The following MBD1 variants were observed in gnomAD, a reference collection of about 807,000 sequenced individuals.
The protein encoded by MBD1 is methyl-CpG-binding domain protein 1.
In MBD1, 25 loss-of-function variants were observed where a neutral mutation model predicts 82.6. That is an observed-to-expected ratio of 0.30 (90% CI 0.22 to 0.42). The LOEUF (loss-of-function observed/expected upper bound fraction) is 0.42, where lower values mean the gene tolerates loss of function less well. Ranked by LOEUF, MBD1 falls within the 10% of genes least tolerant of loss-of-function variation. MBD1 has a pLI of 1.00. For synonymous variants in MBD1, 301 were observed against 303.7 expected (o/e 0.99, Z 0.09); for missense variants, 627 against 819.6 (o/e 0.76, Z 2.87).
Position 50,272,710 on chromosome 18 carries a change from G to C in MBD1, c.1745C>G (p.Thr582Ser), listed in dbSNP as rs1273262892. 1.2e-6 allele frequency: 2 copies of C among 1,614,138 alleles called. No homozygotes were observed. The highest frequency in any genetic ancestry group is 2.2e-5 in the South Asian group (2 of 91,076). ...VITEIFSLGG[T>S]RFRDTAVWLP... ...CCAGACTGCTGTATCTCGGAAGCGG[G>C]TTCCACCCAGGCTGAAAATCTCCGT... Residue 582 changes from threonine to serine, a missense_variant, in exon 15 of 17, where the codon ACC becomes AGC. By Grantham distance (58) the Thr-to-Ser change is moderately conservative (BLOSUM62 1). Around this residue, in one of 6 missense-constraint regions of MBD1, gnomAD observed 265 missense variants for 278.4 expected, o/e 0.95. Coordinates refer to ENST00000269468, the MANE Select transcript of MBD1 (RefSeq NM_015846.4).
chr18:50,281,600 G>A, upstream of MBD1: 1 of 496,916 alleles, frequency 2.0e-6, no homozygotes, highest in South Asian at 3.5e-5. Context: ...TCGATGTCGC[G>A]TGCCCTTAAT....
downstream of MBD1, chr18:50,267,468 C>T (rs2034047883): frequency 1.5e-6 from 1 of 668,408 alleles, no homozygotes; most frequent in Non-Finnish European, 2.7e-6. Context: ...GGCAGTGGCA[C>T]GACCTGGTGG....
intron 12 of MBD1, 36 bp from the exon 13 acceptor site, chr18:50,273,507 G>C (rs765229486): frequency 1.2e-6 from 2 of 1,613,842 alleles, no homozygotes; most frequent in Non-Finnish European, 1.7e-6. Context: ...CTTGGTCTCA[G>C]CTCCCTGGCA....
intron 7 of MBD1, 52 bp downstream of exon 7, chr18:50,275,782 TG>T (rs2037618767): frequency 6.2e-7 from 1 of 1,613,906 alleles, no homozygotes; most frequent in Non-Finnish European, 8.5e-7. Context: ...GCCAAGCCCA[TG>T]GGGGCCAGGG....
intron 2 of MBD1, among the ~76,000 whole-genome samples, chr18:50,278,538 T>C (rs964415259): frequency 6.6e-6 from 1 of 152,360 alleles, no homozygotes; most frequent in East Asian, 1.9e-4. Flanking sequence ...AGTACATAAA[T>C]ATGTGAATAA....
chr18:50,276,937 C>T lies in MBD1; in HGVS notation c.287G>A (p.Arg96Gln), dbSNP rs780477740. The T allele has an allele frequency of 2.5e-5, 40 of 1,614,116 alleles. No individual in the cohort carries two copies. The highest frequency in any genetic ancestry group is 1.1e-5 in the South Asian group (1 of 91,094). ...ACTCTGGGGTCCAACCTGACGTTTC[C>T]GAGTCTTGGCTGGCCTTGAAGGCTT... ...RKKPSRPAKT[R>Q]KRQVGPQSGE... is the part of the protein sequence containing the mutation. The change falls in exon 4 of 17, where the codon CGG (arginine) becomes CAG (glutamine). Residue 96 changes from arginine to glutamine, a missense_variant. Arg to Gln is a conservative substitution (Grantham distance 43, BLOSUM62 1). Around this residue, in one of 6 missense-constraint regions of MBD1, gnomAD observed 75 missense variants for 74.7 expected, o/e 1.00. Coordinates refer to ENST00000269468, the MANE Select transcript of MBD1 (RefSeq NM_015846.4).
At position 50,269,804 on chromosome 18, in the gene MBD1, T is replaced by G. The variant is rs769268991; in HGVS notation, c.*47A>C. On this transcript the variant is annotated 3_prime_UTR_variant, in exon 17 of 17. Coordinates refer to ENST00000269468, the MANE Select transcript of MBD1 (RefSeq NM_015846.4). ...TTTACATCCATCTTCCCTTCCCGAG[T>G]GCCTGCCCTGCAGACTTCAAGCTCC... is the stretch of plus-strand genomic sequence containing the variant. The G allele has an allele frequency of 1.0e-5, 8 of 788,470 alleles. No homozygotes were observed. Among genetic ancestry groups the G allele is most frequent in the Admixed American group, 8.5e-5 (5 of 59,026 alleles). The allele number at this position is 788,470 out of a possible 1,614,324, so 48.8% of individuals were successfully genotyped here.
At chr18:50,268,774 A>G (rs1017733605), downstream of MBD1, 1 of 319,920 alleles carries the variant, frequency 3.1e-6, no homozygotes, top group African/African-American at 2.2e-5. Context: ...CCCACCCACT[A>G]TCCCAGTTTC....
At chr18:50,278,704 GT>G (rs1168553457) in intron 2 of MBD1, among the ~76,000 whole-genome samples, 1 of 152,180 alleles carries the variant, frequency 6.6e-6, no homozygotes, top group East Asian at 1.9e-4. Flanking sequence ...ACTCTCATTA[GT>G]TATGGTAGTT....
chr18:50,273,944 A>C, intron 11 of MBD1, 81 bp from the exon 12 acceptor site: 10 of 1,541,606 alleles, frequency 6.5e-6, no homozygotes, highest in East Asian at 2.2e-5. Context: ...CATGCCTGCT[A>C]ATCTCCCATC....
At chr18:50,267,731 G>T, downstream of MBD1, 1 of 1,014,696 alleles carries the variant, frequency 9.9e-7, no homozygotes, top group Non-Finnish European at 1.5e-6. Context: ...TAGAACACTT[G>T]TGAGCACATG....
chr18:50,280,626 G>C (rs113125591), intron 1 of MBD1, among the ~76,000 whole-genome samples: 3,349 of 151,808 alleles, frequency 0.022, 127 homozygotes, highest in African/African-American at 0.077. Flanking sequence ...CCAACCCATA[G>C]CCTGAACAGC....
At chr18:50,279,701 A>T in intron 2 of MBD1, 182 bp downstream of exon 2, 2 of 743,324 alleles carry the variant, frequency 2.7e-6, no homozygotes, top group Non-Finnish European at 4.3e-6. Context: ...CACTGTGAGT[A>T]GTGACTTTTA....
chr18:50,270,006 T>C lies in MBD1; in HGVS notation c.*33-188A>G, dbSNP rs769899390. ...AAATGGTCAGCAGAAGCTTAACTCA[T>C]GAGTCTAAATGTCAATCAAATAAAT... On this transcript the variant is annotated intron_variant, in intron 16 of 16. Transcript: ENST00000269468. The C allele has an allele frequency of 2.5e-6, 4 of 1,597,462 alleles. No homozygotes were observed. In the South Asian group the frequency reaches 4.4e-5, roughly 18 times the overall value.
At chr18:50,279,759 CGCTAATAAGGATTAACTGTATGT>C in intron 2 of MBD1, 101 bp downstream of exon 2, 2 of 1,290,268 alleles carry the variant, frequency 1.6e-6, no homozygotes, top group East Asian at 5.0e-5. Flanking sequence ...ACATAAAATC[CGCTAATAAGGATTAACTGTATGT>C]GCATAATTTA....
chr18:50,270,182 T>C, intron 16 of MBD1: 2 of 1,595,270 alleles, frequency 1.3e-6, no homozygotes, highest in South Asian at 1.1e-5. Context: ...TGGCAGAGGC[T>C]GGACTGTATG....
intron 10 of MBD1, among the ~76,000 whole-genome samples, chr18:50,274,590 C>G (rs945162808): frequency 6.6e-6 from 1 of 152,216 alleles, no homozygotes; most frequent in African/African-American, 2.4e-5. Flanking sequence ...TGCTCCACTA[C>G]AGTATCCACT....
chr18:50,280,312 T>G (rs559057133), intron 1 of MBD1, among the ~76,000 whole-genome samples: 1 of 152,120 alleles, frequency 6.6e-6, no homozygotes, highest in African/African-American at 2.4e-5. Flanking sequence ...TTCTCCTCAC[T>G]GCCAATCCAG....
At chr18:50,270,862 A>T in intron 16 of MBD1, 1 of 202,344 alleles carries the variant, frequency 4.9e-6, no homozygotes, top group Non-Finnish European at 9.3e-6. Context: ...TTAGTGGAGT[A>T]AAGAACAAGG....
Sources: allele counts gnomAD v4.1 joint callset (sites outside exome capture counted in the v4.1 genomes callset), GRCh38; gene constraint gnomAD v4.1.1; regional missense constraint gnomAD v4.1.1; transcripts MANE v1.5; gene names NCBI Gene and HGNC (gene_info 2026-07-23, HGNC 2026-07-21).